The following MED30 variants were observed in gnomAD, a reference collection of about 807,000 sequenced individuals.
MED30 encodes the protein mediator of RNA polymerase II transcription subunit 30.
In MED30, 8 loss-of-function variants were observed where a neutral mutation model predicts 21.7. The observed-to-expected ratio is 0.37, with a 90% CI of 0.22 to 0.67. The LOEUF (loss-of-function observed/expected upper bound fraction) is 0.67. MED30 is among the 30% of genes least tolerant of loss of function. The probability of loss-of-function intolerance (pLI) is 0.58; values close to 1 mark genes in which losing one functional copy is unlikely to be tolerated. For missense variants in MED30, 203 were observed against 228.2 expected, an observed-to-expected ratio of 0.89 and a Z score of 0.71; for synonymous variants, 79 against 86.7, an observed-to-expected ratio of 0.91 and a Z score of 0.49.
intron 1 of MED30, 44 bp from the exon 2 acceptor site, chr8:117,528,607 T>C (rs1818753056): frequency 6.7e-7 from 1 of 1,500,794 alleles, no homozygotes; most frequent in Non-Finnish European, 8.9e-7. Context: ...TCTTGATTTT[T>C]TTTTCATTAC....
At chr8:117,535,096 A>AC (rs1441972103) in intron 3 of MED30, among the ~76,000 whole-genome samples, 1 of 152,052 alleles carries the variant, frequency 6.6e-6, no homozygotes, top group Non-Finnish European at 1.5e-5. Context: ...GGACCCACCT[A>AC]CATAATTGTT....
At position 117,535,343 on chromosome 8, in the gene MED30, C is replaced by A. The variant is rs562015890; in HGVS notation, c.441+4516C>A. 4.0e-5 allele frequency among the ~76,000 whole-genome samples: 6 copies of A among 151,202 alleles called. No individual in the cohort carries two copies. The South Asian group carries it at 1.3e-3, about 32-fold the overall frequency. ...CACTGGGTTCAAGCAATTCTCCTGC[C>A]TCAGTCTCCTGAGTAGCTGGGGTTA... is the stretch of plus-strand genomic sequence containing the variant. On this transcript the variant is annotated intron_variant, in intron 3 of 3. Transcript: ENST00000297347.
intron 1 of MED30, among the ~76,000 whole-genome samples, chr8:117,522,631 ATTGC>A (rs1306864553): frequency 6.8e-6 from 1 of 147,356 alleles, no homozygotes; most frequent in Non-Finnish European, 1.5e-5. Flanking sequence ...AAAGTGTTTT[ATTGC>A]TTTTTTTTTT....
At chr8:117,526,900 A>C (rs1229716501) in intron 1 of MED30, among the ~76,000 whole-genome samples, 1 of 152,052 alleles carries the variant, frequency 6.6e-6, no homozygotes, top group Non-Finnish European at 1.5e-5. Flanking sequence ...AGTATTTATC[A>C]AGAGTTCTTT....
At chr8:117,523,375 C>G in intron 1 of MED30, 2 of 1,544,616 alleles carry the variant, frequency 1.3e-6, no homozygotes, top group Non-Finnish European at 1.8e-6. Context: ...CACAGCACTC[C>G]GTCTGTAGGT....
intron 1 of MED30, among the ~76,000 whole-genome samples, chr8:117,522,555 T>C (rs1818643590): frequency 1.3e-5 from 2 of 152,094 alleles, no homozygotes. Flanking sequence ...ACCTAGTCAG[T>C]GGTAGGGTAA....
intron 1 of MED30, among the ~76,000 whole-genome samples, chr8:117,522,359 A>G (rs949252053): frequency 6.6e-6 from 1 of 152,212 alleles, no homozygotes; most frequent in Admixed American, 6.5e-5. Context: ...GTTTTTAAAT[A>G]TGTATACATA....
chr8:117,533,227 A>T (rs1818815570), intron 3 of MED30, among the ~76,000 whole-genome samples: 1 of 152,148 alleles, frequency 6.6e-6, no homozygotes, highest in Admixed American at 6.5e-5. Context: ...ACTTAGAAAT[A>T]ACATGTCTTT....
intron 3 of MED30, among the ~76,000 whole-genome samples, chr8:117,535,401 TTG>T (rs1818859125): frequency 1.3e-5 from 2 of 151,954 alleles, no homozygotes; most frequent in Non-Finnish European, 2.9e-5. Flanking sequence ...GCTAATTTTT[TTG>T]TGTTTTTAGT....
rs148485052 is a variant in MED30 at position 117,523,628 on chromosome 8, C to G, written c.177+2575C>G. 8,403 of 1,599,012 alleles carry G rather than the reference C, an allele frequency of 5.3e-3. 40 individuals carry two copies. Among genetic ancestry groups the G allele is most frequent in the Non-Finnish European group, 6.6e-3 (7,684 of 1,169,544 alleles). On this transcript the variant is annotated intron_variant, in intron 1 of 3. Coordinates refer to ENST00000297347, the MANE Select transcript of MED30 (RefSeq NM_080651.4). Reference sequence around the variant, plus strand: ...TTGAGAAACTGCATGGCCTTCATGACATGAAGGTTGGACACATTCTTGTCT... The same window carrying G: ...TTGAGAAACTGCATGGCCTTCATGAGATGAAGGTTGGACACATTCTTGTCT...
At chr8:117,525,445 T>C (rs1586860800) in intron 1 of MED30, among the ~76,000 whole-genome samples, 1 of 152,132 alleles carries the variant, frequency 6.6e-6, no homozygotes, top group South Asian at 2.1e-4. Flanking sequence ...AGTTATTTTT[T>C]TCCCTGTCTT....
At chr8:117,532,700 A>G (rs922936808) in intron 3 of MED30, among the ~76,000 whole-genome samples, 6 of 152,128 alleles carry the variant, frequency 3.9e-5, no homozygotes, top group African/African-American at 9.6e-5. Context: ...GATAGATTTT[A>G]TAAAATAAAA....
At chr8:117,533,324 C>G (rs1045460862) in intron 3 of MED30, among the ~76,000 whole-genome samples, 6 of 151,930 alleles carry the variant, frequency 3.9e-5, no homozygotes, top group Non-Finnish European at 8.8e-5. Flanking sequence ...TATCTACTGA[C>G]ATAGAGTTTT....
chr8:117,523,207 T>G (rs199897958), intron 1 of MED30: 1 of 749,014 alleles, frequency 1.3e-6, no homozygotes, highest in East Asian at 2.7e-5. Context: ...TTTTTTTTTT[T>G]AAGTTTTTTT....
intron 1 of MED30, chr8:117,523,210 G>GTT (rs369071775): frequency 2.6e-3 from 1,642 of 622,376 alleles, no homozygotes; most frequent in South Asian, 3.7e-3. Flanking sequence ...TTTTTTTTAA[G>GTT]TTTTTTTTTT....
rs1035359413 is a variant in MED30, at chr8:117,540,211, A to G, written c.*233A>G. On this transcript the variant is annotated 3_prime_UTR_variant, in exon 4 of 4. Coordinates refer to ENST00000297347, the MANE Select transcript of MED30 (RefSeq NM_080651.4). ...TTTGTATTTTGGTTAATCTTCATGAATTGAATAATTGTTTTTTTAAAGCAA... is the reference window on the plus strand; with the variant it reads ...TTTGTATTTTGGTTAATCTTCATGAGTTGAATAATTGTTTTTTTAAAGCAA... 1 of 256,728 alleles carries G rather than the reference A, an allele frequency of 3.9e-6. No homozygotes were observed. The highest frequency in any genetic ancestry group is 7.2e-6 in the Non-Finnish European group (1 of 137,938). 15.9% of individuals were successfully genotyped at this position (256,728 alleles called of 1,614,324 possible).
chr8:117,531,132 A>G (rs998102249), intron 3 of MED30, among the ~76,000 whole-genome samples: 3 of 152,008 alleles, frequency 2.0e-5, no homozygotes, highest in Non-Finnish European at 4.4e-5. Flanking sequence ...CTTATAGCAT[A>G]TTTGGAGCAG....
At chr8:117,535,595 T>C (rs554249905) in intron 3 of MED30, among the ~76,000 whole-genome samples, 1 of 152,182 alleles carries the variant, frequency 6.6e-6, no homozygotes, top group South Asian at 2.1e-4. Context: ...GAAAACTGGC[T>C]ATAGATGATA....
chr8:117,523,470 G>T (rs2130809185), intron 1 of MED30: 1 of 1,583,392 alleles, frequency 6.3e-7, no homozygotes, highest in African/African-American at 1.3e-5. Context: ...TCTCTGGACG[G>T]CTGCGGCGTA....
Sources: gnomAD v4.1 joint callset for allele counts (sites outside exome capture counted in the v4.1 genomes callset) on GRCh38, gnomAD v4.1.1 for gene constraint, MANE v1.5 for transcripts, NCBI Gene and HGNC (gene_info 2026-07-23, HGNC 2026-07-21) for gene names.